The following ZMIZ2 variants were observed in gnomAD, a reference collection of about 807,000 sequenced individuals.
ZMIZ2 encodes zinc finger MIZ-type containing 2.
Under a neutral mutation model 93.9 loss-of-function variants are expected in ZMIZ2, and 26 were observed. That is an observed-to-expected ratio of 0.28 (90% CI 0.20 to 0.38). The LOEUF (loss-of-function observed/expected upper bound fraction) is 0.38. Ranked by LOEUF, ZMIZ2 falls within the 10% of genes least tolerant of loss-of-function variation. The pLI is 1.00. For synonymous variants in ZMIZ2, 485 were observed against 516.4 expected (o/e 0.94, Z 0.82); for missense variants, 1,023 against 1,235.0 (o/e 0.83, Z 2.57).
chr7:44,762,770 T>G, intron 11 of ZMIZ2, 111 bp from the exon 12 acceptor site: 1 of 625,056 alleles, frequency 1.6e-6, no homozygotes, highest in Non-Finnish European at 2.4e-6. Context: ...CTCAGCCTTG[T>G]CCCTCCCCCA....
At chr7:44,755,307 C>T (rs1202650136) in intron 1 of ZMIZ2, among the ~76,000 whole-genome samples, 1 of 152,186 alleles carries the variant, frequency 6.6e-6, no homozygotes, top group Non-Finnish European at 1.5e-5. Context: ...CCTGCCAGGT[C>T]TGTGGGTGCC....
rs376829140 is a variant in ZMIZ2, at chr7:44,769,545, C to G, written c.*1922C>G. ...GTCCTGTCGCTGGGTGCGGAGACAG[C>G]CTGGCAAAGTCCCACTCAGCCATGG... On this transcript the variant is annotated 3_prime_UTR_variant, in exon 19 of 19. Coordinates refer to ENST00000309315, the MANE Select transcript of ZMIZ2 (RefSeq NM_031449.4). 166 of 152,848 alleles carry G rather than the reference C, an allele frequency of 1.1e-3. 1 individual carries two copies. Among genetic ancestry groups the G allele is most frequent in the African/African-American group, 3.6e-3 (151 of 41,578 alleles). 9.5% of individuals were successfully genotyped at this position (152,848 alleles called of 1,614,324 possible). A position where few individuals can be genotyped will look rare whatever the true frequency, so the allele number is the denominator to read the frequency against.
intron 7 of ZMIZ2, 52 bp from the exon 8 acceptor site, chr7:44,760,099 C>T: frequency 1.2e-6 from 2 of 1,607,820 alleles, no homozygotes; most frequent in Non-Finnish European, 1.7e-6. Context: ...TCCAGGGGGC[C>T]CGGCAGGGGT....
intron 8 of ZMIZ2, 76 bp downstream of exon 8, chr7:44,760,304 AC>A: frequency 6.4e-7 from 1 of 1,562,074 alleles, no homozygotes; most frequent in Non-Finnish European, 8.7e-7. Flanking sequence ...CCGGGCAGGC[AC>A]CCCTGGGGCC....
chr7:44,764,308 C>CA (rs139430652), intron 13 of ZMIZ2, 111 bp from the exon 14 acceptor site: 112,214 of 976,574 alleles, frequency 0.11, 7,277 homozygotes, highest in Admixed American at 0.16. Context: ...TGCAGTATCT[C>CA]AGTTATGCAT....
chr7:44,760,619 C>T (rs758171086), intron 9 of ZMIZ2, 26 bp downstream of exon 9: 32 of 1,611,652 alleles, frequency 2.0e-5, no homozygotes, highest in Middle Eastern at 3.3e-4. Context: ...CTTGGGACAG[C>T]GGGGTGACAA....
At position 44,756,055 on chromosome 7, in the gene ZMIZ2, TTGCC is replaced by T. The variant is rs1386780388; in HGVS notation, c.-62-128_-62-125del. On this transcript the variant is annotated intron_variant, in intron 1 of 18. Coordinates refer to ENST00000309315, the MANE Select transcript of ZMIZ2 (RefSeq NM_031449.4). ...GTCAGTACTAGGCCCCTCCACTGCC[TTGCC>T]TGCCATCAGAGCCCAGGGGTCCCTT... 104 of 699,988 alleles carry T rather than the reference TTGCC, an allele frequency of 1.5e-4. No individual in the cohort carries two copies. In the African/African-American group the frequency reaches 1.5e-3, roughly 10 times the overall value. The allele number at this position is 699,988 out of a possible 1,614,324, so 43.4% of individuals were successfully genotyped here.
Position 44,759,258 on chromosome 7 carries a change from C to G in ZMIZ2, c.814-23C>G. The G allele has an allele frequency of 1.4e-6, 2 of 1,474,592 alleles. No individual in the cohort carries two copies. The highest frequency in any genetic ancestry group is 1.8e-6 in the Non-Finnish European group (2 of 1,105,986). The allele number at this position is 1,474,592 out of a possible 1,614,324, so 91.3% of individuals were successfully genotyped here. A position where few individuals can be genotyped will look rare whatever the true frequency, so the allele number is the denominator to read the frequency against. Reference sequence around the variant, plus strand: ...TCCCCTGATGCCTTTTTTCTCCCCTCGGGCATTTTGCCTCTTTTTCAGGTG... The same window carrying G: ...TCCCCTGATGCCTTTTTTCTCCCCTGGGGCATTTTGCCTCTTTTTCAGGTG... On this transcript the variant is annotated intron_variant, in intron 6 of 18. Coordinates refer to ENST00000309315, the MANE Select transcript of ZMIZ2 (RefSeq NM_031449.4).
Position 44,765,803 on chromosome 7 carries a change from G to A in ZMIZ2, c.2242+224G>A. Reference sequence around the variant, plus strand: ...CTATGGTCCCAGGAAACAGACAGTGGGGCCTCCACCCTTCCTTCCCCGTTT... The same window carrying A: ...CTATGGTCCCAGGAAACAGACAGTGAGGCCTCCACCCTTCCTTCCCCGTTT... On this transcript the variant is annotated intron_variant, in intron 16 of 18. Coordinates refer to ENST00000309315, the MANE Select transcript of ZMIZ2 (RefSeq NM_031449.4). The surrounding 1 kb of genome is among the most constrained non-coding windows in gnomAD (Gnocchi z 4.1). The A allele has an allele frequency of 1.0e-6, 1 of 995,526 alleles. No homozygotes were observed. 61.7% of individuals were successfully genotyped at this position (995,526 alleles called of 1,614,324 possible).
chr7:44,768,492 T>G lies in ZMIZ2; in HGVS notation c.*869T>G, dbSNP rs1050331. The G allele has an allele frequency of 0.5, 76,049 of 152,086 alleles. 19,419 individuals carry two copies. Among genetic ancestry groups the G allele is most frequent in the East Asian group, 0.76 (3,941 of 5,158 alleles). The allele number at this position is 152,086 out of a possible 1,614,324, so 9.4% of individuals were successfully genotyped here. On this transcript the variant is annotated 3_prime_UTR_variant, in exon 19 of 19. Transcript: ENST00000309315. ...GCGGGCTGCGCTCCCAAGTTCCCCT[T>G]CTCTGTGAAAGTGAAGAATTAGTAC...
In ZMIZ2 at chr7:44,766,720, G is replaced by A; in HGVS notation, c.2655+57G>A. On this transcript the variant is annotated intron_variant, in intron 18 of 18. Transcript: ENST00000309315. The surrounding 1 kb of genome is among the most constrained non-coding windows in gnomAD (Gnocchi z 4.4). ...TGGGAGCCAGGGCTAGAGGTGGTGT[G>A]TCTGTTCCAGGTGCGTTCTGGAAGG... 6.3e-7 allele frequency: 1 copy of A among 1,596,432 alleles called. No individual in the cohort carries two copies. The highest frequency in any genetic ancestry group is 1.9e-4 in the Middle Eastern group (1 of 5,300).
rs1462665900 is a variant in ZMIZ2, at chr7:44,764,451, C to T, written c.1893C>T (p.Asn631=). Reference sequence around the variant, plus strand: ...ACCTGGAGTCGTACCTGCAGCTCAACTGTGAGCGGGGGACTTGGAGGTGTC... The same window carrying T: ...ACCTGGAGTCGTACCTGCAGCTCAATTGTGAGCGGGGGACTTGGAGGTGTC... ...CFDLESYLQL[N]CERGTWRCPV... is the part of the protein sequence containing the mutation. Residue 631 remains asparagine, a synonymous_variant, in exon 14 of 19, where the codon AAC becomes AAT. Transcript: ENST00000309315. 1 of 1,614,102 alleles carries T rather than the reference C, an allele frequency of 6.2e-7. No individual in the cohort carries two copies. The highest frequency in any genetic ancestry group is 1.3e-5 in the African/African-American group (1 of 74,944).
chr7:44,764,908 G>A (rs992252182), intron 14 of ZMIZ2, 33 bp from the exon 15 acceptor site: 10 of 1,612,882 alleles, frequency 6.2e-6, no homozygotes, highest in Admixed American at 5.0e-5. Context: ...GTTGTGCAAG[G>A]TCTCTGAGCT....
Position 44,763,578 on chromosome 7 carries a change from C to G in ZMIZ2, c.1860+165C>G, listed in dbSNP as rs1444488384. The G allele has an allele frequency of 3.6e-6, 3 of 831,270 alleles. No individual in the cohort carries two copies. The highest frequency in any genetic ancestry group is 1.8e-6 in the Non-Finnish European group (1 of 548,232). The allele number at this position is 831,270 out of a possible 1,614,324, so 51.5% of individuals were successfully genotyped here. A position where few individuals can be genotyped will look rare whatever the true frequency, so the allele number is the denominator to read the frequency against. On this transcript the variant is annotated intron_variant, in intron 13 of 18. Transcript: ENST00000309315. This position sits in a 1 kb window ranked among gnomAD's most constrained non-coding sequence, Gnocchi z 5.6. ...AGGAGGCAGGTGGGCCTGGCTCCCC[C>G]AAGACTAGGCTATTTTTTCTTCCAA...
intron 1 of ZMIZ2, chr7:44,750,938 A>G (rs1422665509): frequency 6.6e-6 from 1 of 152,244 alleles, no homozygotes; most frequent in African/African-American, 2.4e-5. Flanking sequence ...GAGGATCTGC[A>G]CACACACAAC....
rs1028974607 is a variant in ZMIZ2 at position 44,756,971 on chromosome 7, G to T, written c.190G>T (p.Ala64Ser). 6.2e-7 allele frequency: 1 copy of T among 1,612,016 alleles called. No individual in the cohort carries two copies. Reference protein sequence around the residue: ...SQVLGNPMGPAGSPSGSSMMP... With the variant: ...SQVLGNPMGPSGSPSGSSMMP... ...GGTTTTGGGGAACCCCATGGGCCCT[G>T]CAGGGAGTCCCTCTGGCAGCTCCAT... Residue 64 changes from alanine (A) to serine (S), a missense_variant, in exon 4 of 19, where the codon GCA becomes TCA. By Grantham distance (99) the Ala-to-Ser change is moderately conservative (BLOSUM62 1). Coordinates refer to ENST00000309315, the MANE Select transcript of ZMIZ2 (RefSeq NM_031449.4).
At chr7:44,762,359 C>T (rs1035485465) in intron 11 of ZMIZ2, among the ~76,000 whole-genome samples, 1 of 152,180 alleles carries the variant, frequency 6.6e-6, no homozygotes, top group African/African-American at 2.4e-5. Flanking sequence ...AGCTCGGAGT[C>T]CCCGGCTGAT....
At chr7:44,758,155 T>C in intron 6 of ZMIZ2, 47 bp downstream of exon 6, 1 of 1,495,492 alleles carries the variant, frequency 6.7e-7, no homozygotes, top group Non-Finnish European at 8.9e-7. Flanking sequence ...ACCAACTCCC[T>C]CACCCAGGCA....
chr7:44,762,214 TA>T (rs1791267455), intron 11 of ZMIZ2, among the ~76,000 whole-genome samples: 1 of 152,272 alleles, frequency 6.6e-6, no homozygotes, highest in Non-Finnish European at 1.5e-5. Flanking sequence ...ATTTCTATTT[TA>T]ATCTGTCATC....
Sources: allele counts gnomAD v4.1 joint callset (sites outside exome capture counted in the v4.1 genomes callset), GRCh38; gene constraint gnomAD v4.1.1; non-coding constraint Gnocchi (gnomAD v3.1); transcripts MANE v1.5; gene names NCBI Gene and HGNC (gene_info 2026-07-23, HGNC 2026-07-21).